Variants in TNNI3K observed in about 807,000 individuals in gnomAD.
TNNI3K encodes TNNI3 interacting kinase, also known as serine/threonine-protein kinase TNNI3K.
Under a neutral mutation model 114.5 loss-of-function variants are expected in TNNI3K, and 140 were observed. The ratio of observed to expected loss-of-function variants is 1.22; its 90% confidence interval spans 1.07 to 1.41. The LOEUF is 1.41. TNNI3K is among the 40% of genes most tolerant of loss of function. The pLI is 0.00. For synonymous variants in TNNI3K, 347 were observed against 347.5 expected (o/e 1.00, Z 0.02); for missense variants, 1,125 against 1,007.6 (o/e 1.12, Z -1.58).
At chr1:74,318,229 A>T (rs888718359) in intron 5 of TNNI3K, among the ~76,000 whole-genome samples, 1 of 152,332 alleles carries the variant, frequency 6.6e-6, no homozygotes, top group East Asian at 1.9e-4. Flanking sequence ...GGTAAGAGTA[A>T]TCCAGTCCCT....
chr1:74,353,162 G>A, intron 9 of TNNI3K, 104 bp from the exon 10 acceptor site: 1 of 1,178,088 alleles, frequency 8.5e-7, no homozygotes, highest in Admixed American at 2.4e-5. Context: ...GGTTATGGGG[G>A]TTATAACTTC....
chr1:74,293,673 A>C lies in TNNI3K; in HGVS notation c.444+21965A>C, dbSNP rs187745605. ...TAGATTCTTCTGTCCTTAGTTTTCTATTTCTTTTTCTTTCCTTATTTCATT... is the reference window on the plus strand; with the variant it reads ...TAGATTCTTCTGTCCTTAGTTTTCTCTTTCTTTTTCTTTCCTTATTTCATT... On this transcript the variant is annotated intron_variant, in intron 5 of 24. Coordinates refer to ENST00000326637, the MANE Select transcript of TNNI3K (RefSeq NM_015978.3). 1.7e-3 allele frequency among the ~76,000 whole-genome samples: 253 copies of C among 151,746 alleles called. 1 individual carries two copies. Among genetic ancestry groups the C allele is most frequent in the African/African-American group, 5.9e-3 (246 of 41,510 alleles).
intron 21 of TNNI3K, chr1:74,470,735 G>C (rs1037263846): frequency 3.7e-5 from 15 of 400,378 alleles, no homozygotes; most frequent in African/African-American, 2.3e-4. Context: ...TTTTCAAGCT[G>C]TGCATGACTT....
chr1:74,309,282 G>A (rs1222462511), intron 5 of TNNI3K, among the ~76,000 whole-genome samples: 1 of 136,556 alleles, frequency 7.3e-6, no homozygotes, highest in African/African-American at 2.7e-5. Context: ...GCAGGAGAAT[G>A]GCGTGAACCC....
At chr1:74,238,206 T>C (rs1282290426) in intron 2 of TNNI3K, among the ~76,000 whole-genome samples, 3 of 152,070 alleles carry the variant, frequency 2.0e-5, no homozygotes, top group African/African-American at 7.2e-5. Context: ...AAGAAAGCTA[T>C]GTGAATCAAT....
At chr1:74,328,054 C>A (rs2100403125) in intron 5 of TNNI3K, among the ~76,000 whole-genome samples, 1 of 152,078 alleles carries the variant, frequency 6.6e-6, no homozygotes, top group East Asian at 1.9e-4. Flanking sequence ...AATCAATTAT[C>A]AATAAATGTT....
In TNNI3K at chr1:74,354,127, A is replaced by C; in HGVS notation, c.1175A>C (p.Lys392Thr). ...ACATGTTTGATGTGGGCTTATGAAA[A>C]AGGTATATTTTTAATCATCGTGTCT... ...EQTCLMWAYE[K>T]GHDAIVTLLK... Residue 392 changes from lysine to threonine, a missense_variant and splice_region_variant, in exon 11 of 25, where the codon AAA (lysine) becomes ACA (threonine). Coordinates refer to ENST00000326637, the MANE Select transcript of TNNI3K (RefSeq NM_015978.3). 6.2e-7 allele frequency: 1 copy of C among 1,613,986 alleles called. No individual in the cohort carries two copies. The highest frequency in any genetic ancestry group is 8.5e-7 in the Non-Finnish European group (1 of 1,179,944).
chr1:74,451,657 T>TTTTTCTTTTC lies in TNNI3K; in HGVS notation c.2012-11760_2012-11751dup, dbSNP rs1553148015. Among the ~76,000 whole-genome samples the TTTTTCTTTTC allele has an allele frequency of 3.0e-3, 160 of 53,102 alleles. 20 individuals carry two copies. The highest frequency in any genetic ancestry group is 6.8e-3 in the East Asian group (9 of 1,314). 34.8% of individuals were successfully genotyped at this position (53,102 alleles called of 152,430 possible). On this transcript the variant is annotated intron_variant, in intron 20 of 24. Coordinates refer to ENST00000326637, the MANE Select transcript of TNNI3K (RefSeq NM_015978.3). ...CTTTTTCTTTCTTTCTTTCCTTTCT[T>TTTTTCTTTTC]TTTTCTTTTCTTTTCTTTTCTTTTC...
chr1:74,491,026 T>A (rs550769243), intron 22 of TNNI3K, among the ~76,000 whole-genome samples: 1 of 152,336 alleles, frequency 6.6e-6, no homozygotes, highest in Admixed American at 6.5e-5. Context: ...TTAGTCTTGT[T>A]CTGAAATGGC....
intron 5 of TNNI3K, among the ~76,000 whole-genome samples, chr1:74,322,236 A>G (rs1385350532): frequency 6.6e-6 from 1 of 152,202 alleles, no homozygotes; most frequent in Non-Finnish European, 1.5e-5. Context: ...GAATAAGAGC[A>G]CAGTTCTGCC....
chr1:74,446,258 A>T (rs1295319674), intron 20 of TNNI3K, among the ~76,000 whole-genome samples: 31 of 150,366 alleles, frequency 2.1e-4, no homozygotes, highest in Non-Finnish European at 2.2e-4. Context: ...GGTATCTCAT[A>T]GTGGTTTTGA....
At chr1:74,397,270 CA>C (rs1664135342) in intron 17 of TNNI3K, among the ~76,000 whole-genome samples, 3 of 152,002 alleles carry the variant, frequency 2.0e-5, no homozygotes, top group South Asian at 4.2e-4. Flanking sequence ...AAGAGATACA[CA>C]GAAGGTGAGA....
intron 9 of TNNI3K, among the ~76,000 whole-genome samples, chr1:74,344,770 A>G (rs1223218349): frequency 6.6e-6 from 1 of 152,198 alleles, no homozygotes; most frequent in Admixed American, 6.5e-5. Flanking sequence ...AGTTGAAAGT[A>G]TATACCCAAT....
chr1:74,500,669 C>A (rs1479574926), intron 23 of TNNI3K, among the ~76,000 whole-genome samples: 1 of 121,724 alleles, frequency 8.2e-6, no homozygotes, highest in Non-Finnish European at 1.7e-5. Context: ...ATTATTTAAG[C>A]CTCACTCTGT....
At chr1:74,341,900 C>G (rs1012428063) in intron 7 of TNNI3K, 5 of 152,178 alleles carry the variant, frequency 3.3e-5, no homozygotes, top group African/African-American at 1.2e-4. Context: ...AGATTAGGCC[C>G]TGCATTTTAC....
chr1:74,435,987 G>C (rs1241315147), intron 17 of TNNI3K, 93 bp from the exon 18 acceptor site: 55 of 1,473,760 alleles, frequency 3.7e-5, no homozygotes, highest in Non-Finnish European at 4.6e-5. Flanking sequence ...GCAAACAAAT[G>C]ATGTCTATGG....
At chr1:74,333,862 A>G (rs1660337694) in intron 6 of TNNI3K, among the ~76,000 whole-genome samples, 1 of 152,240 alleles carries the variant, frequency 6.6e-6, no homozygotes, top group South Asian at 2.1e-4. Context: ...TTATAAAGTC[A>G]CATAATCAGA....
chr1:74,399,027 G>A (rs562103664), intron 17 of TNNI3K, among the ~76,000 whole-genome samples: 7 of 151,630 alleles, frequency 4.6e-5, no homozygotes, highest in African/African-American at 1.5e-4. Context: ...ATGGTGGCGG[G>A]CGCCTGTAAT....
chr1:74,299,003 A>T (rs1362794689), intron 5 of TNNI3K, among the ~76,000 whole-genome samples: 1 of 152,156 alleles, frequency 6.6e-6, no homozygotes, highest in African/African-American at 2.4e-5. Flanking sequence ...GAAAAGATAT[A>T]TCATCTGAAA....
Sources: gnomAD v4.1 joint callset for allele counts (sites outside exome capture counted in the v4.1 genomes callset) on GRCh38, gnomAD v4.1.1 for gene constraint, MANE v1.5 for transcripts, NCBI Gene and HGNC (gene_info 2026-07-23, HGNC 2026-07-21) for gene names.